ACOXL: variants seen among roughly 807,000 people sequenced by gnomAD.
The protein encoded by ACOXL is acyl-coenzyme A oxidase-like protein.
A neutral mutation model predicts 71.9 loss-of-function variants in ACOXL; 70 were observed. The observed-to-expected ratio is 0.97, with a 90% CI of 0.80 to 1.19. The LOEUF (loss-of-function observed/expected upper bound fraction) is 1.19, where lower values mean the gene tolerates loss of function less well. Ranked by LOEUF, ACOXL falls within the 50% of genes most tolerant of loss-of-function variation. The pLI, the probability that ACOXL is intolerant of heterozygous loss-of-function variation, is 0.00. For missense variants in ACOXL, 703 were observed against 736.3 expected (o/e 0.95, Z 0.52); for synonymous variants, 253 against 281.6 (o/e 0.90, Z 1.02).
At chr2:111,012,498 T>C (rs1276720505) in intron 14 of ACOXL, among the ~76,000 whole-genome samples, 4 of 152,234 alleles carry the variant, frequency 2.6e-5, no homozygotes, top group Non-Finnish European at 5.9e-5. Context: ...TCAATCTTCT[T>C]GATATTTGTA....
intron 1 of ACOXL, among the ~76,000 whole-genome samples, chr2:110,737,580 T>C (rs1055749774): frequency 6.6e-6 from 1 of 152,214 alleles, no homozygotes; most frequent in Non-Finnish European, 1.5e-5. Flanking sequence ...TTGCTTAGTT[T>C]TCTATAAGCC....
intron 15 of ACOXL, among the ~76,000 whole-genome samples, chr2:111,040,583 C>T (rs2065734180): frequency 6.6e-6 from 1 of 152,146 alleles, no homozygotes; most frequent in South Asian, 2.1e-4. Context: ...AGATGAGAGC[C>T]CCCATAGACT....
chr2:110,785,488 TC>T (rs1236732835), intron 3 of ACOXL, among the ~76,000 whole-genome samples: 1 of 151,292 alleles, frequency 6.6e-6, no homozygotes, highest in Admixed American at 6.6e-5. Flanking sequence ...GAAAGAAACT[TC>T]CGGGTCCTAC....
chr2:111,006,458 C>T (rs1292834453), intron 14 of ACOXL, among the ~76,000 whole-genome samples: 1 of 152,208 alleles, frequency 6.6e-6, no homozygotes, highest in Non-Finnish European at 1.5e-5. Flanking sequence ...TTGTAACCAA[C>T]TCCCAGAAGT....
chr2:111,047,996 A>G (rs1352857382), intron 15 of ACOXL, among the ~76,000 whole-genome samples: 1 of 152,282 alleles, frequency 6.6e-6, no homozygotes, highest in East Asian at 1.9e-4. Context: ...TGAAAACTAC[A>G]AACAACCTAC....
chr2:111,024,953 T>G (rs1280754363), intron 14 of ACOXL, among the ~76,000 whole-genome samples: 1 of 151,418 alleles, frequency 6.6e-6, no homozygotes, highest in Non-Finnish European at 1.5e-5. Context: ...TAACCAATTT[T>G]AAATGTACAA....
intron 9 of ACOXL, among the ~76,000 whole-genome samples, chr2:110,811,785 A>ACACACACACACG (rs1225876415): frequency 1.2e-3 from 174 of 149,046 alleles, no homozygotes; most frequent in Non-Finnish European, 2.2e-3. Context: ...ACACACACAC[A>ACACACACACACG]CGCGGGGAGG....
At chr2:110,772,244 A>G (rs1682039577) in intron 2 of ACOXL, among the ~76,000 whole-genome samples, 1 of 152,176 alleles carries the variant, frequency 6.6e-6, no homozygotes, top group East Asian at 1.9e-4. Flanking sequence ...CCCACGTCAA[A>G]CAGGTGGTGC....
intron 9 of ACOXL, among the ~76,000 whole-genome samples, chr2:110,838,844 C>A (rs750523875): frequency 6.6e-6 from 1 of 152,274 alleles, no homozygotes; most frequent in Non-Finnish European, 1.5e-5. Flanking sequence ...CGGAGGCTTT[C>A]CCCCCTCCCC....
intron 14 of ACOXL, among the ~76,000 whole-genome samples, chr2:111,003,550 C>CAAAAAAAAAAAAAAAAAAAAAAAAAAAA (rs548001377): frequency 8.5e-5 from 3 of 35,338 alleles, no homozygotes; most frequent in African/African-American, 1.9e-4. Context: ...GACTCTGTCT[C>CAAAAAAAAAAAAAAAAAAAAAAAAAAAA]AAAAAAAAAA....
At chr2:110,946,149 G>A (rs1206513547) in intron 12 of ACOXL, among the ~76,000 whole-genome samples, 2 of 152,294 alleles carry the variant, frequency 1.3e-5, no homozygotes, top group East Asian at 3.9e-4. Flanking sequence ...TGTGGCAATT[G>A]TGAATAGCAC....
intron 2 of ACOXL, among the ~76,000 whole-genome samples, chr2:110,778,429 A>G (rs956583679): frequency 3.3e-5 from 5 of 152,248 alleles, no homozygotes; most frequent in Admixed American, 6.5e-5. Context: ...AATGTATCAT[A>G]TATGAATTTA....
chr2:111,040,621 C>T (rs1221016213), intron 15 of ACOXL, among the ~76,000 whole-genome samples: 1 of 152,186 alleles, frequency 6.6e-6, no homozygotes, highest in Non-Finnish European at 1.5e-5. Context: ...ACGGAAGAGA[C>T]ACAAGCTGGG....
chr2:110,960,668 T>G (rs2061668549), intron 12 of ACOXL, among the ~76,000 whole-genome samples: 1 of 42,302 alleles, frequency 2.4e-5, no homozygotes, highest in Non-Finnish European at 6.4e-5. Flanking sequence ...TCTTTTGGGT[T>G]TTTTTTTTTT....
chr2:110,870,704 C>T (rs1337695289), intron 10 of ACOXL, among the ~76,000 whole-genome samples: 3 of 152,200 alleles, frequency 2.0e-5, no homozygotes, highest in Non-Finnish European at 4.4e-5. Context: ...TGGACTCTCA[C>T]CTGCCACCTG....
intron 14 of ACOXL, among the ~76,000 whole-genome samples, chr2:111,006,968 A>C (rs2063906818): frequency 6.6e-6 from 1 of 152,084 alleles, no homozygotes; most frequent in African/African-American, 2.4e-5. Context: ...CATAGAGAGC[A>C]TCCTTAAATT....
chr2:111,005,143 A>G (rs1437089665), intron 14 of ACOXL, among the ~76,000 whole-genome samples: 1 of 152,146 alleles, frequency 6.6e-6, no homozygotes, highest in Non-Finnish European at 1.5e-5. Flanking sequence ...CTCTCTCATC[A>G]CCTGTGGCAT....
At chr2:110,848,295 C>G (rs1692163756) in intron 10 of ACOXL, among the ~76,000 whole-genome samples, 1 of 152,156 alleles carries the variant, frequency 6.6e-6, no homozygotes, top group Non-Finnish European at 1.5e-5. Flanking sequence ...GTAGACTGTT[C>G]CATCTGTCTC....
At chr2:110,949,034 C>T (rs956525636) in intron 12 of ACOXL, among the ~76,000 whole-genome samples, 1 of 151,812 alleles carries the variant, frequency 6.6e-6, no homozygotes, top group African/African-American at 2.4e-5. Flanking sequence ...GCTCCCTATA[C>T]AATTTCTTAA....
Sources: gnomAD v4.1 joint callset for allele counts (sites outside exome capture counted in the v4.1 genomes callset) on GRCh38, gnomAD v4.1.1 for gene constraint, MANE v1.5 for transcripts, NCBI Gene and HGNC (gene_info 2026-07-23, HGNC 2026-07-21) for gene names.